The following CLASP1 variants were observed in gnomAD, a reference collection of about 807,000 sequenced individuals.
CLASP1 encodes cytoplasmic linker associated protein 1, also known as CLIP-associating protein 1.
A neutral mutation model predicts 192.3 loss-of-function variants in CLASP1; 38 were observed. The observed-to-expected ratio is 0.20, with a 90% CI of 0.15 to 0.26. The LOEUF (loss-of-function observed/expected upper bound fraction) is 0.26. CLASP1 is among the 10% of genes least tolerant of loss of function. The pLI is 1.00. For missense variants in CLASP1, 1,433 were observed against 1,932.5 expected, an observed-to-expected ratio of 0.74 and a Z score of 4.85; for synonymous variants, 691 against 712.8, an observed-to-expected ratio of 0.97 and a Z score of 0.49.
chr2:121,385,695 G>A (rs1168885936), intron 32 of CLASP1, among the ~76,000 whole-genome samples: 5 of 152,170 alleles, frequency 3.3e-5, no homozygotes, highest in Non-Finnish European at 7.3e-5. Flanking sequence ...TGTATGAACT[G>A]TATATTATGG....
At chr2:121,539,119 A>C (rs1419756754) in intron 2 of CLASP1, among the ~76,000 whole-genome samples, 1 of 152,242 alleles carries the variant, frequency 6.6e-6, no homozygotes, top group Non-Finnish European at 1.5e-5. Context: ...ATAACATTCC[A>C]CTAAAAACCC....
intron 2 of CLASP1, among the ~76,000 whole-genome samples, chr2:121,595,461 C>T (rs2063023806): frequency 6.6e-6 from 1 of 152,260 alleles, no homozygotes; most frequent in South Asian, 2.1e-4. Context: ...AGCTGTTTTA[C>T]TTTCTGCCTT....
At chr2:121,622,567 CAAA>C (rs60748257) in intron 1 of CLASP1, among the ~76,000 whole-genome samples, 2 of 134,054 alleles carry the variant, frequency 1.5e-5, no homozygotes, top group Non-Finnish European at 1.6e-5. Flanking sequence ...GACCCTGTCT[CAAA>C]AAAAAAAAAA....
At chr2:121,400,144 T>C (rs1019891340) in intron 28 of CLASP1, among the ~76,000 whole-genome samples, 14 of 152,132 alleles carry the variant, frequency 9.2e-5, no homozygotes, top group African/African-American at 3.4e-4. Flanking sequence ...AGTTTAGCCA[T>C]GCAAAGGAAT....
Position 121,636,817 on chromosome 2 carries a change from C to T in CLASP1, c.-286+12555G>A, listed in dbSNP as rs116619258. ...GGCATTGGAAAGATCAAGATACTAC[C>T]GTCAATCCCTACATTTGGTAAAATG... On this transcript the variant is annotated intron_variant, in intron 1 of 39. Coordinates refer to ENST00000263710, the Ensembl canonical transcript of CLASP1. Among the ~76,000 whole-genome samples, 298 of 152,220 alleles carry T rather than the reference C, an allele frequency of 2.0e-3. 1 individual carries two copies. Among genetic ancestry groups the T allele is most frequent in the African/African-American group, 6.5e-3 (271 of 41,540 alleles).
At chr2:121,399,885 G>A (rs1020427839) in intron 28 of CLASP1, among the ~76,000 whole-genome samples, 3 of 152,102 alleles carry the variant, frequency 2.0e-5, no homozygotes, top group Admixed American at 2.0e-4. Flanking sequence ...GTTTTATTTG[G>A]CCTTCACAGT....
intron 11 of CLASP1, 56 bp from the exon 12 acceptor site, chr2:121,460,181 C>T (rs2087596346): frequency 1.4e-6 from 2 of 1,401,466 alleles, no homozygotes; most frequent in African/African-American, 1.4e-5. Context: ...ACAGACTATA[C>T]ACAACAAAAG....
At chr2:121,468,421 T>C (rs1270663369) in intron 9 of CLASP1, among the ~76,000 whole-genome samples, 4 of 152,348 alleles carry the variant, frequency 2.6e-5, no homozygotes, top group South Asian at 2.1e-4. Flanking sequence ...GGACTGTTTT[T>C]CCATTTGTTT....
intron 8 of CLASP1, among the ~76,000 whole-genome samples, chr2:121,502,260 C>T (rs1040412452): frequency 6.6e-6 from 1 of 152,032 alleles, no homozygotes; most frequent in Admixed American, 6.6e-5. Flanking sequence ...TGAATTTATG[C>T]TCATTGAGAA....
Position 121,435,039 on chromosome 2 carries a change from G to T in CLASP1, c.1913-4862C>A, listed in dbSNP as rs188291411. Among the ~76,000 whole-genome samples, 58 of 148,726 alleles carry T rather than the reference G, an allele frequency of 3.9e-4. No individual in the cohort carries two copies. In the East Asian group the frequency reaches 0.012, roughly 30 times the overall value. ...ATTTCTCTCTTTAAATATCACATTGGGCTGGGCGTGGTGGCTCTCCCCTGT... is the reference window on the plus strand; with the variant it reads ...ATTTCTCTCTTTAAATATCACATTGTGCTGGGCGTGGTGGCTCTCCCCTGT... On this transcript the variant is annotated intron_variant, in intron 19 of 39. Transcript: ENST00000263710.
At chr2:121,578,265 GAAAC>G (rs1266681411) in intron 2 of CLASP1, among the ~76,000 whole-genome samples, 2 of 150,742 alleles carry the variant, frequency 1.3e-5, no homozygotes, top group Non-Finnish European at 2.9e-5. Flanking sequence ...AAGAAACAAA[GAAAC>G]AAACAAACAA....
At chr2:121,368,796 C>G (rs538394364) in intron 34 of CLASP1, among the ~76,000 whole-genome samples, 1 of 152,308 alleles carries the variant, frequency 6.6e-6, no homozygotes, top group South Asian at 2.1e-4. Context: ...TGTGCTAATG[C>G]ATTTACACTT....
chr2:121,575,854 C>A (rs147774324), intron 2 of CLASP1, among the ~76,000 whole-genome samples: 17 of 152,308 alleles, frequency 1.1e-4, no homozygotes, highest in Non-Finnish European at 2.1e-4. Flanking sequence ...AGACCTGTTA[C>A]AGGGCTTCAC....
intron 2 of CLASP1, among the ~76,000 whole-genome samples, chr2:121,575,272 G>A (rs2060402096): frequency 6.6e-6 from 1 of 151,810 alleles, no homozygotes; most frequent in South Asian, 2.1e-4. Context: ...ACCATGCCCG[G>A]CTAATTTTTT....
intron 29 of CLASP1, among the ~76,000 whole-genome samples, chr2:121,397,611 C>CA (rs1426647238): frequency 2.0e-5 from 3 of 152,296 alleles, no homozygotes; most frequent in African/African-American, 7.2e-5. Flanking sequence ...CCAGCTCTGC[C>CA]ACTGACTGCA....
chr2:121,516,938 G>A (rs2094314483), intron 6 of CLASP1, among the ~76,000 whole-genome samples: 1 of 152,200 alleles, frequency 6.6e-6, no homozygotes, highest in Admixed American at 6.5e-5. Context: ...GGCTGAGGCA[G>A]GAGAATCACT....
At chr2:121,387,637 C>T in intron 31 of CLASP1, 126 bp downstream of exon 32, 1 of 922,236 alleles carries the variant, frequency 1.1e-6, no homozygotes, top group African/African-American at 1.7e-5. Flanking sequence ...GCCCCATCCT[C>T]AGGATGCTCG....
intron 8 of CLASP1, among the ~76,000 whole-genome samples, chr2:121,486,773 C>T (rs1230707800): frequency 6.6e-6 from 1 of 152,154 alleles, no homozygotes; most frequent in African/African-American, 2.4e-5. Context: ...TCCTTCAAAT[C>T]TTCCATCTCT....
intron 19 of CLASP1, among the ~76,000 whole-genome samples, chr2:121,432,797 T>C (rs2081653239): frequency 6.6e-6 from 1 of 152,166 alleles, no homozygotes; most frequent in Non-Finnish European, 1.5e-5. Context: ...ACTCTAGGAT[T>C]CTGCTAAACT....
Sources: allele counts gnomAD v4.1 joint callset (sites outside exome capture counted in the v4.1 genomes callset), GRCh38; gene constraint gnomAD v4.1.1; transcripts MANE v1.5; gene names NCBI Gene and HGNC (gene_info 2026-07-23, HGNC 2026-07-21).